The following RASGRP3 variants were observed in gnomAD, a reference collection of about 807,000 sequenced individuals.
RASGRP3 encodes the protein ras guanyl-releasing protein 3.
RASGRP3 carries 54 observed loss-of-function variants against 82.7 expected under a neutral mutation model. The observed-to-expected ratio is 0.65, with a 90% CI of 0.52 to 0.82. The LOEUF is 0.82. RASGRP3 is among the 40% of genes least tolerant of loss of function. The pLI is 0.00. For synonymous variants in RASGRP3, 309 were observed against 300.5 expected, an observed-to-expected ratio of 1.03 and a Z score of -0.29; for missense variants, 861 against 828.9, an observed-to-expected ratio of 1.04 and a Z score of -0.48.
rs113105215 is a variant in RASGRP3 at position 33,543,696 on chromosome 2, A to G, written c.1394+69A>G. ...CAGAAAATTATTATCAGAGGAGAGA[A>G]GGGAAACTTGTAATTTGCATCTTGA... On this transcript the variant is annotated intron_variant, in intron 13 of 17. Transcript: ENST00000403687. 6.2e-4 allele frequency: 695 copies of G among 1,127,168 alleles called. 2 individuals carry two copies. In the African/African-American group the frequency reaches 9.5e-3, roughly 15 times the overall value. 69.8% of individuals were successfully genotyped at this position (1,127,168 alleles called of 1,614,324 possible). A position where few individuals can be genotyped will look rare whatever the true frequency, so the allele number is the denominator to read the frequency against.
intron 12 of RASGRP3, 51 bp from the exon 13 acceptor site, chr2:33,543,461 T>C: frequency 3.3e-6 from 4 of 1,207,796 alleles, no homozygotes; most frequent in Non-Finnish European, 3.6e-6. Flanking sequence ...CAATAACAAG[T>C]TCAGAGCCTG....
chr2:33,495,540 G>C (rs1283789703), intron 1 of RASGRP3, among the ~76,000 whole-genome samples: 1 of 151,762 alleles, frequency 6.6e-6, no homozygotes, highest in Non-Finnish European at 1.5e-5. Flanking sequence ...GGGGACCCCT[G>C]GTTTACAGGA....
rs1676974906 is a variant in RASGRP3 at position 33,563,952 on chromosome 2, A to C, written c.*1215A>C. 1 of 152,172 alleles carries C rather than the reference A, an allele frequency of 6.6e-6. No homozygotes were observed. Among genetic ancestry groups the C allele is most frequent in the African/African-American group, 2.4e-5 (1 of 41,454 alleles). 9.4% of individuals were successfully genotyped at this position (152,172 alleles called of 1,614,324 possible). The stretch of plus-strand genomic sequence containing the variant: ...AAATAGAGCTGGGACTGAGCCTGTG[A>C]ATGACAGGAATGATCTATTACCAGG... On this transcript the variant is annotated 3_prime_UTR_variant, in exon 18 of 18. Coordinates refer to ENST00000403687, the MANE Select transcript of RASGRP3 (RefSeq NM_001139488.2).
rs1436080217 is a variant in RASGRP3 at position 33,534,308 on chromosome 2, C to G, written c.1084-15C>G. On this transcript the variant is annotated splice_polypyrimidine_tract_variant and intron_variant, in intron 10 of 17. Coordinates refer to ENST00000403687, the MANE Select transcript of RASGRP3 (RefSeq NM_001139488.2). ...ATGTAATCCGACATTTTTATCCCTTCTAATTTTGTTGTAGCTTTCCCTGGA... is the reference window on the plus strand; with the variant it reads ...ATGTAATCCGACATTTTTATCCCTTGTAATTTTGTTGTAGCTTTCCCTGGA... 2.2e-5 allele frequency: 33 copies of G among 1,519,286 alleles called. No individual in the cohort carries two copies. Among genetic ancestry groups the G allele is most frequent in the Non-Finnish European group, 2.8e-5 (31 of 1,097,782 alleles). 94.1% of individuals were successfully genotyped at this position (1,519,286 alleles called of 1,614,324 possible). A position where few individuals can be genotyped will look rare whatever the true frequency, so the allele number is the denominator to read the frequency against.
At chr2:33,465,380 G>T (rs1666635783) in intron 2 of RASGRP3, among the ~76,000 whole-genome samples, 1 of 152,154 alleles carries the variant, frequency 6.6e-6, no homozygotes, top group African/African-American at 2.4e-5. Flanking sequence ...AAGGCTTAAG[G>T]AATAACACTA....
chr2:33,529,848 G>T (rs1672942164), intron 10 of RASGRP3, among the ~76,000 whole-genome samples: 1 of 145,426 alleles, frequency 6.9e-6, no homozygotes, highest in Non-Finnish European at 1.5e-5. Flanking sequence ...GGAGCCTTAA[G>T]AATAAGGAAC....
chr2:33,461,235 T>A (rs886972699), intron 2 of RASGRP3, among the ~76,000 whole-genome samples: 2 of 152,224 alleles, frequency 1.3e-5, no homozygotes, highest in Admixed American at 1.3e-4. Flanking sequence ...ACTCCTTTTT[T>A]AAATTAAAAC....
chr2:33,458,360 G>T (rs972161932), intron 2 of RASGRP3, among the ~76,000 whole-genome samples: 1 of 152,058 alleles, frequency 6.6e-6, no homozygotes, highest in African/African-American at 2.4e-5. Flanking sequence ...TTTCTGTGCA[G>T]CAGGGAAACT....
chr2:33,530,023 G>T (rs1672958336), intron 10 of RASGRP3, among the ~76,000 whole-genome samples: 1 of 152,136 alleles, frequency 6.6e-6, no homozygotes, highest in African/African-American at 2.4e-5. Context: ...GACTCCTGAG[G>T]ATTAATCTCC....
chr2:33,536,003 T>C (rs774570289), intron 11 of RASGRP3, among the ~76,000 whole-genome samples: 11 of 152,144 alleles, frequency 7.2e-5, no homozygotes, highest in Non-Finnish European at 1.2e-4. Flanking sequence ...ATTAACTCCG[T>C]TAAGAAAACT....
chr2:33,549,659 C>A lies in RASGRP3; in HGVS notation c.1450C>A (p.Gln484Lys), dbSNP rs1301805329. ...MMAYFLRAKS[Q>K]LHCKMGPGFI... ...GGCTTACTTCCTGAGAGCTAAATCC[C>A]AACTACACTGTAAAATGGGACCAGG... The change falls in exon 14 of 18, where the codon CAA becomes AAA. Residue 484 changes from glutamine (Q) to lysine (K), a missense_variant. Coordinates refer to ENST00000403687, the MANE Select transcript of RASGRP3 (RefSeq NM_001139488.2). 1.9e-6 allele frequency: 3 copies of A among 1,613,488 alleles called. No homozygotes were observed. In the East Asian group the frequency reaches 6.7e-5, roughly 36 times the overall value.
chr2:33,523,941 A>G lies in RASGRP3; in HGVS notation c.579A>G (p.Arg193=), dbSNP rs562021230. 8.1e-6 allele frequency: 13 copies of G among 1,613,976 alleles called. No homozygotes were observed. In the East Asian group the frequency reaches 2.7e-4, roughly 33 times the overall value. The change falls in exon 8 of 18, where the codon AGA becomes AGG. Residue 193 remains arginine (R), a synonymous_variant. Coordinates refer to ENST00000403687, the MANE Select transcript of RASGRP3 (RefSeq NM_001139488.2). ...GCLENNPTLE[R]SIALFNGISK... The stretch of plus-strand genomic sequence containing the variant: ...TGGAGAATAATCCAACCTTGGAAAG[A>G]TCGATTGCTTTATTTAATGGAATCT...
intron 11 of RASGRP3, among the ~76,000 whole-genome samples, 183 bp from the exon 12 acceptor site, chr2:33,538,911 C>T (rs561392724): frequency 5.9e-4 from 90 of 152,020 alleles, no homozygotes; most frequent in African/African-American, 2.1e-3. Context: ...TGGTGGCACA[C>T]ACCTGTAGTC....
At chr2:33,459,255 C>T (rs1022546182) in intron 2 of RASGRP3, among the ~76,000 whole-genome samples, 2 of 152,130 alleles carry the variant, frequency 1.3e-5, no homozygotes, top group African/African-American at 4.8e-5. Context: ...CTGCCTCAGC[C>T]TCCCGAGTAG....
At chr2:33,524,807 C>T (rs1023379295) in intron 9 of RASGRP3, among the ~76,000 whole-genome samples, 22 of 152,114 alleles carry the variant, frequency 1.4e-4, no homozygotes, top group Admixed American at 7.2e-4. Flanking sequence ...TGGCCGGGCA[C>T]GGTGGCTCAC....
chr2:33,550,777 C>T (rs1461263899), intron 14 of RASGRP3, among the ~76,000 whole-genome samples: 1 of 152,136 alleles, frequency 6.6e-6, no homozygotes, highest in African/African-American at 2.4e-5. Flanking sequence ...TTTTTCCCAT[C>T]CCATGCTCAA....
At chr2:33,436,856 G>A (rs1223222062) in intron 1 of RASGRP3, among the ~76,000 whole-genome samples, 4 of 152,132 alleles carry the variant, frequency 2.6e-5, no homozygotes, top group African/African-American at 7.2e-5. Context: ...GGTTTAGATA[G>A]TATAAATAAT....
chr2:33,444,129 C>G (rs1248528407), intron 1 of RASGRP3, among the ~76,000 whole-genome samples: 4 of 151,832 alleles, frequency 2.6e-5, no homozygotes, highest in Non-Finnish European at 5.9e-5. Flanking sequence ...ATGGCAAGAC[C>G]CTGTCTCTAC....
chr2:33,482,626 A>C (rs903365923), intron 1 of RASGRP3: 2 of 152,230 alleles, frequency 1.3e-5, no homozygotes, highest in African/African-American at 4.8e-5. Flanking sequence ...TTATCTGCCC[A>C]CAACTGAGAG....
Sources: allele counts gnomAD v4.1 joint callset (sites outside exome capture counted in the v4.1 genomes callset), GRCh38; gene constraint gnomAD v4.1.1; transcripts MANE v1.5; gene names NCBI Gene and HGNC (gene_info 2026-07-23, HGNC 2026-07-21).